CASZ1: variants seen among roughly 807,000 people sequenced by gnomAD.
The protein encoded by CASZ1 is castor zinc finger 1.
Under a neutral mutation model 135.2 loss-of-function variants are expected in CASZ1, and 28 were observed. The observed-to-expected ratio is 0.21, with a 90% CI of 0.15 to 0.28. CASZ1 has a LOEUF of 0.28. Ranked by LOEUF, CASZ1 falls within the 10% of genes least tolerant of loss-of-function variation. CASZ1 has a pLI of 1.00. For missense variants in CASZ1, 2,161 were observed against 2,453.3 expected (o/e 0.88, Z 2.52); for synonymous variants, 1,068 against 1,073.4 (o/e 0.99, Z 0.10).
At chr1:10,678,005 G>A (rs1198295623) in intron 4 of CASZ1, among the ~76,000 whole-genome samples, 1 of 152,236 alleles carries the variant, frequency 6.6e-6, no homozygotes. Flanking sequence ...TGGCAGGAGG[G>A]GACCTTTCTC....
At chr1:10,743,671 G>GGT (rs60105451) in intron 2 of CASZ1, among the ~76,000 whole-genome samples, 7 of 138,458 alleles carry the variant, frequency 5.1e-5, no homozygotes, top group African/African-American at 1.9e-4. Flanking sequence ...AAATGGGGGG[G>GGT]CGGGGTGCGG....
rs904715370 is a variant in CASZ1, at chr1:10,695,613, G to A, written c.-23-1701C>T. Among the ~76,000 whole-genome samples the A allele has an allele frequency of 4.6e-5, 3 of 64,884 alleles. No homozygotes were observed. In the Admixed American group the frequency reaches 6.0e-4, roughly 13 times the overall value. The allele number at this position is 64,884 out of a possible 152,430, so 42.6% of individuals were successfully genotyped here. ...CCCCCCCGCCCCACGCCGTCTCCAG[G>A]CCTGTCCCCTTCAACGTGGAACCTC... On this transcript the variant is annotated intron_variant, in intron 3 of 20. Coordinates refer to ENST00000377022, the MANE Select transcript of CASZ1 (RefSeq NM_001079843.3).
chr1:10,692,023 C>T (rs1408222034), intron 4 of CASZ1, among the ~76,000 whole-genome samples: 1 of 152,170 alleles, frequency 6.6e-6, no homozygotes, highest in African/African-American at 2.4e-5. Context: ...GGAAAAGTTT[C>T]CAGAGCCTGT....
Position 10,759,298 on chromosome 1 carries a change from A to G in CASZ1, c.-77+1403T>C, listed in dbSNP as rs1327103237. Among the ~76,000 whole-genome samples, 1 of 152,202 alleles carries G rather than the reference A, an allele frequency of 6.6e-6. No individual in the cohort carries two copies. The highest frequency in any genetic ancestry group is 6.5e-5 in the Admixed American group (1 of 15,286). On this transcript the variant is annotated intron_variant, in intron 2 of 20. Coordinates refer to ENST00000377022, the MANE Select transcript of CASZ1 (RefSeq NM_001079843.3). This position sits in a 1 kb window ranked among gnomAD's most constrained non-coding sequence, Gnocchi z 4.2. Reference sequence around the variant, plus strand: ...GTTAAGAATAGCCCGGGAAGGTGGCAGAGGTGCAGGTGCTAACGCCAAGCC... The same window carrying G: ...GTTAAGAATAGCCCGGGAAGGTGGCGGAGGTGCAGGTGCTAACGCCAAGCC...
rs774272712 is a variant in CASZ1, at chr1:10,655,704, A to G, written c.1610T>C (p.Val537Ala). 101 of 1,613,988 alleles carry G rather than the reference A, an allele frequency of 6.3e-5. No individual in the cohort carries two copies. Among genetic ancestry groups the G allele is most frequent in the Non-Finnish European group, 7.8e-5 (92 of 1,179,958 alleles). Residue 537 changes from valine (V) to alanine (A), a missense_variant, in exon 9 of 21, where the codon GTC (valine) becomes GCC (alanine). Val to Ala is a moderately conservative substitution (Grantham distance 64). Around this residue, in one of 7 missense-constraint regions of CASZ1, gnomAD observed 248 missense variants for 410.8 expected, o/e 0.60. Transcript: ENST00000377022. ...ATTGAGGTGGCAGCCGTGGTAGTAG[A>G]CGCTGCAGTCGTCCAGCGGGCTGAA... ...MRFSPLDDCS[V>A]YYHGCHLNGK...
At chr1:10,768,509 C>T (rs1177816393) in intron 1 of CASZ1, among the ~76,000 whole-genome samples, 1 of 152,174 alleles carries the variant, frequency 6.6e-6, no homozygotes, top group African/African-American at 2.4e-5. Flanking sequence ...TGAGCCACTG[C>T]ACCTGGCCTA....
At chr1:10,650,621 C>T in intron 13 of CASZ1, 71 bp downstream of exon 13, 1 of 1,295,746 alleles carries the variant, frequency 7.7e-7, no homozygotes, top group Non-Finnish European at 1.1e-6. Flanking sequence ...CAAACACATC[C>T]CCCCACCCCC....
chr1:10,729,233 C>T (rs1339974745), intron 2 of CASZ1, among the ~76,000 whole-genome samples: 2 of 152,166 alleles, frequency 1.3e-5, no homozygotes, highest in Non-Finnish European at 2.9e-5. Context: ...GGGCCCAAGA[C>T]AGGCCTGCGC....
Position 10,730,746 on chromosome 1 carries a change from C to T in CASZ1, c.-76-25202G>A, listed in dbSNP as rs913360735. 2.6e-5 allele frequency among the ~76,000 whole-genome samples: 4 copies of T among 152,186 alleles called. No homozygotes were observed. In the East Asian group the frequency reaches 5.8e-4, roughly 22 times the overall value. ...CTTATATCTGCCACTGCAACCTTGA[C>T]GGCATCCTAATACTTAACAGCTTTT... is the stretch of plus-strand genomic sequence containing the variant. On this transcript the variant is annotated intron_variant, in intron 2 of 20. Transcript: ENST00000377022.
At chr1:10,789,579 C>T (rs888508471) in intron 1 of CASZ1, among the ~76,000 whole-genome samples, 4 of 152,074 alleles carry the variant, frequency 2.6e-5, no homozygotes, top group African/African-American at 7.2e-5. Flanking sequence ...TCTCTCTCCC[C>T]GCACCTTCAC....
At position 10,697,071 on chromosome 1, in the gene CASZ1, G is replaced by A. The variant is rs938262128; in HGVS notation, c.-23-3159C>T. ...TGGCCAGGTAGCCACAGGCTGAGTG[G>A]GCCCTGCCCAAGAGGAAAAGGCCTT... On this transcript the variant is annotated intron_variant, in intron 3 of 20. Transcript: ENST00000377022. This position sits in a 1 kb window ranked among gnomAD's most constrained non-coding sequence, Gnocchi z 4.7. Among the ~76,000 whole-genome samples, 8 of 152,238 alleles carry A rather than the reference G, an allele frequency of 5.3e-5. No homozygotes were observed. Among genetic ancestry groups the A allele is most frequent in the African/African-American group, 1.7e-4 (7 of 41,458 alleles).
chr1:10,676,292 G>A lies in CASZ1; in HGVS notation c.17-10721C>T, dbSNP rs1638219778. Among the ~76,000 whole-genome samples, 1 of 152,114 alleles carries A rather than the reference G, an allele frequency of 6.6e-6. No individual in the cohort carries two copies. Among genetic ancestry groups the A allele is most frequent in the South Asian group, 2.1e-4 (1 of 4,826 alleles). On this transcript the variant is annotated intron_variant, in intron 4 of 20. Coordinates refer to ENST00000377022, the MANE Select transcript of CASZ1 (RefSeq NM_001079843.3). This position sits in a 1 kb window ranked among gnomAD's most constrained non-coding sequence, Gnocchi z 4.5. Reference sequence around the variant, plus strand: ...TCATTCCCTCTCCCGGAAGCCCTGGGCTCCCGCTATTGTCGGCCACGTTGA... The same window carrying A: ...TCATTCCCTCTCCCGGAAGCCCTGGACTCCCGCTATTGTCGGCCACGTTGA...
In CASZ1 at chr1:10,724,238, C is replaced by T. The variant is rs1329266637; in HGVS notation, c.-76-18694G>A. ...TCAGAGCCGGGCTATAAATAGCCAG[C>T]AAATCATTTCCCAGAGCCACGGCCC... On this transcript the variant is annotated intron_variant, in intron 2 of 20. Transcript: ENST00000377022. The surrounding 1 kb of genome is among the most constrained non-coding windows in gnomAD (Gnocchi z 4.1). Among the ~76,000 whole-genome samples, 1 of 152,190 alleles carries T rather than the reference C, an allele frequency of 6.6e-6. No homozygotes were observed. Among genetic ancestry groups the T allele is most frequent in the South Asian group, 2.1e-4 (1 of 4,828 alleles).
In CASZ1 at chr1:10,639,104, G is replaced by C; in HGVS notation, c.5118C>G (p.Asp1706Glu). 8.7e-7 allele frequency: 1 copy of C among 1,147,438 alleles called. No homozygotes were observed. The highest frequency in any genetic ancestry group is 1.1e-6 in the Non-Finnish European group (1 of 910,964). 71.1% of individuals were successfully genotyped at this position (1,147,438 alleles called of 1,614,324 possible). Residue 1706 changes from aspartate to glutamate, a missense_variant, in exon 21 of 21, where the codon GAC (aspartate) becomes GAG (glutamate). Physicochemically the swap from Asp to Glu is conservative, Grantham distance 45. This residue lies in a region of CASZ1 where 185 missense variants were observed against 134.7 expected (regional missense o/e 1.37). Transcript: ENST00000377022. This position sits in a 1 kb window ranked among gnomAD's most constrained non-coding sequence, Gnocchi z 4.0. ...GGTCCTCGTCGTCGTCGTCCTCGTC[G>C]TCGTCCTCGTCGTCGTCGTCCTCGT... Reference protein sequence around the residue: ...DDDEDDDDEDDDEDDDDEDLR... With the variant: ...DDDEDDDDEDEDEDDDDEDLR...
intron 5 of CASZ1, among the ~76,000 whole-genome samples, chr1:10,662,397 T>C (rs111203727): frequency 0.014 from 2,051 of 151,318 alleles, 39 homozygotes; most frequent in African/African-American, 0.047. Context: ...ACACACCCAA[T>C]CACGTGCATA....
At chr1:10,678,556 C>T (rs956697499) in intron 4 of CASZ1, among the ~76,000 whole-genome samples, 3 of 152,200 alleles carry the variant, frequency 2.0e-5, no homozygotes, top group African/African-American at 4.8e-5. Flanking sequence ...CCAGCTCCCC[C>T]ACCCGTTCAC....
chr1:10,782,778 G>T (rs1334913375), intron 1 of CASZ1, among the ~76,000 whole-genome samples: 1 of 152,210 alleles, frequency 6.6e-6, no homozygotes, highest in Non-Finnish European at 1.5e-5. Context: ...GAGGGGGCTG[G>T]GCCGTCCCTG....
chr1:10,655,900 C>CTCT, intron 8 of CASZ1, 87 bp from the exon 9 acceptor site: 4 of 1,406,644 alleles, frequency 2.8e-6, no homozygotes, highest in Non-Finnish European at 4.0e-6. Context: ...GGGCCAGGTG[C>CTCT]TGGCCTCAGG....
At chr1:10,743,770 A>G (rs1025485313) in intron 2 of CASZ1, among the ~76,000 whole-genome samples, 68 of 150,286 alleles carry the variant, frequency 4.5e-4, no homozygotes, top group Non-Finnish European at 7.4e-5. Flanking sequence ...CGATCCCGTG[A>G]CGGGAGGGCA....
Sources: allele counts gnomAD v4.1 joint callset (sites outside exome capture counted in the v4.1 genomes callset), GRCh38; gene constraint gnomAD v4.1.1; regional missense constraint gnomAD v4.1.1; non-coding constraint Gnocchi (gnomAD v3.1); transcripts MANE v1.5; gene names NCBI Gene and HGNC (gene_info 2026-07-23, HGNC 2026-07-21).